The following FGF13 variants were observed in gnomAD, a reference collection of about 807,000 sequenced individuals.
The protein encoded by FGF13 is fibroblast growth factor homologous factor 2.
FGF13 carries 2 observed loss-of-function variants against 19.5 expected under a neutral mutation model. The observed-to-expected ratio is 0.10, with a 90% CI of 0.04 to 0.32. The LOEUF is 0.32. Ranked by LOEUF, FGF13 falls within the 10% of genes least tolerant of loss-of-function variation. The pLI, the probability that FGF13 is intolerant of heterozygous loss-of-function variation, is 1.00. For missense variants in FGF13, 113 were observed against 192.7 expected, an observed-to-expected ratio of 0.59 and a Z score of 2.45; for synonymous variants, 72 against 76.9, an observed-to-expected ratio of 0.94 and a Z score of 0.33.
At chrX:139,055,405 G>A (rs2092317927) in intron 1 of FGF13, among the ~76,000 whole-genome samples, 1 of 112,340 alleles carries the variant, frequency 8.9e-6, no homozygotes, top group South Asian at 3.7e-4. Flanking sequence ...TCAGAATCTT[G>A]AATCTACTTG....
intron 3 of FGF13, among the ~76,000 whole-genome samples, chrX:138,833,789 T>C (rs1404341411): frequency 8.9e-6 from 1 of 112,092 alleles, no homozygotes; most frequent in Non-Finnish European, 1.9e-5. Context: ...ATGTTGTCAG[T>C]GGCTTTGTTA....
At chrX:139,190,626 T>C (rs1447076703) in intron 1 of FGF13, among the ~76,000 whole-genome samples, 1 of 111,930 alleles carries the variant, frequency 8.9e-6, no homozygotes, top group Non-Finnish European at 1.9e-5. Flanking sequence ...CCAGCCATTA[T>C]AGCCTGTAAT....
chrX:138,797,207 T>C (rs891778447), intron 3 of FGF13, among the ~76,000 whole-genome samples: 24 of 112,086 alleles, frequency 2.1e-4, no homozygotes, highest in African/African-American at 7.8e-4. Context: ...TTTATGTCTT[T>C]AATCCATCTT....
chrX:139,084,336 C>T lies in FGF13; in HGVS notation c.-113+119080G>A, dbSNP rs748621755. On this transcript the variant is annotated intron_variant, in intron 1 of 2. Coordinates refer to the FGF13 transcript ENST00000421460. The stretch of plus-strand genomic sequence containing the variant: ...AACATACAGAAGATTGCAAATGTGA[C>T]CACTAAACTTTTGACACTCTGGCAG... 5.4e-5 allele frequency among the ~76,000 whole-genome samples: 6 copies of T among 111,356 alleles called. No homozygotes were observed. In the South Asian group the frequency reaches 2.3e-3, roughly 43 times the overall value.
At chrX:138,887,038 G>A (rs2091454742) in intron 1 of FGF13, among the ~76,000 whole-genome samples, 1 of 111,496 alleles carries the variant, frequency 9.0e-6, no homozygotes, top group African/African-American at 3.3e-5. Flanking sequence ...ATCCAATGTT[G>A]CATGGTGGTT....
intron 1 of FGF13, among the ~76,000 whole-genome samples, chrX:139,135,484 C>G (rs1334397172): frequency 8.9e-6 from 1 of 112,103 alleles, no homozygotes; most frequent in Non-Finnish European, 1.9e-5. Flanking sequence ...AAGAGATGAT[C>G]ATGTAAAAGC....
rs1377342039 is a variant in FGF13 at position 138,629,349 on chromosome X, A to C, written c.*3501T>G. 1 of 112,251 alleles carries C rather than the reference A, an allele frequency of 8.9e-6. No individual in the cohort carries two copies. The highest frequency in any genetic ancestry group is 3.2e-5 in the African/African-American group (1 of 30,860). The allele number at this position is 112,251 out of a possible 1,213,427, so 9.3% of individuals were successfully genotyped here. On this transcript the variant is annotated 3_prime_UTR_variant, in exon 5 of 5. Transcript: ENST00000315930. Reference sequence around the variant, plus strand: ...ATGCACGCTAATCCTGAAGAAAGGAATAGTGTATGCCAGTGTGATATGGTT... The same window carrying C: ...ATGCACGCTAATCCTGAAGAAAGGACTAGTGTATGCCAGTGTGATATGGTT...
At chrX:138,928,975 A>C (rs145584257) in intron 1 of FGF13, among the ~76,000 whole-genome samples, 1,396 of 111,425 alleles carry the variant, frequency 0.013, 25 homozygotes, top group African/African-American at 0.042. Flanking sequence ...CCTGCTTGGG[A>C]TTTGCTCTTT....
At chrX:138,891,217 G>A (rs1387945503) in intron 1 of FGF13, among the ~76,000 whole-genome samples, 1 of 111,793 alleles carries the variant, frequency 8.9e-6, no homozygotes, top group South Asian at 3.8e-4. Context: ...CTCGGGAGGC[G>A]GAGCTTGCAG....
intron 3 of FGF13, among the ~76,000 whole-genome samples, chrX:138,658,800 ATGATAAATATTATTTCTACTAGGC>A (rs1216697257): frequency 1.0e-3 from 114 of 112,107 alleles, no homozygotes; most frequent in African/African-American, 3.2e-3. Flanking sequence ...AAGTTAAGGG[ATGATAAATATTATTTCTACTAGGC>A]TACATAATCA....
intron 1 of FGF13, among the ~76,000 whole-genome samples, chrX:138,877,976 T>C (rs950263784): frequency 5.4e-5 from 6 of 110,896 alleles, no homozygotes; most frequent in African/African-American, 2.0e-4. Flanking sequence ...AGATGATGAG[T>C]CTCTATTTAG....
At chrX:138,751,675 T>C (rs2090399120) in intron 3 of FGF13, among the ~76,000 whole-genome samples, 2 of 111,831 alleles carry the variant, frequency 1.8e-5, no homozygotes, top group African/African-American at 6.5e-5. Context: ...ACAGATGTCC[T>C]GCAGGAACAG....
At chrX:138,764,321 G>A (rs894724292) in intron 3 of FGF13, among the ~76,000 whole-genome samples, 1 of 112,028 alleles carries the variant, frequency 8.9e-6, no homozygotes, top group Non-Finnish European at 1.9e-5. Flanking sequence ...TTTTCTGCCC[G>A]AAATAAAGTT....
At chrX:138,889,101 A>T (rs899666009) in intron 1 of FGF13, among the ~76,000 whole-genome samples, 2 of 111,849 alleles carry the variant, frequency 1.8e-5, no homozygotes, top group African/African-American at 6.5e-5. Context: ...CAGTATCGTG[A>T]GTGCTCTAAT....
At chrX:139,054,638 G>T (rs1255565342) in intron 1 of FGF13, among the ~76,000 whole-genome samples, 1 of 111,724 alleles carries the variant, frequency 9.0e-6, no homozygotes, top group African/African-American at 3.3e-5. Flanking sequence ...AATGGGAATT[G>T]CATTAAATTT....
chrX:138,746,668 A>G (rs751013513), intron 3 of FGF13, among the ~76,000 whole-genome samples: 2 of 112,137 alleles, frequency 1.8e-5, no homozygotes, highest in Non-Finnish European at 3.8e-5. Flanking sequence ...ATGCTAAGCT[A>G]TGCTTCATTG....
chrX:138,915,561 G>C (rs2091613671), intron 1 of FGF13, among the ~76,000 whole-genome samples: 1 of 111,583 alleles, frequency 9.0e-6, no homozygotes, highest in Admixed American at 9.6e-5. Flanking sequence ...ATGAAGGGGT[G>C]TTATTTATTG....
At chrX:139,177,227 T>C (rs1321695621) in intron 1 of FGF13, among the ~76,000 whole-genome samples, 1 of 94,002 alleles carries the variant, frequency 1.1e-5, no homozygotes, top group Non-Finnish European at 2.0e-5. Flanking sequence ...AGACTAGGAT[T>C]GCAACCCCTG....
chrX:138,877,720 A>C (rs1240387169), intron 1 of FGF13, among the ~76,000 whole-genome samples: 1 of 112,545 alleles, frequency 8.9e-6, no homozygotes, highest in African/African-American at 3.2e-5. Context: ...TAATGTCTTC[A>C]AGCTTTATTC....
Sources: allele counts gnomAD v4.1 joint callset (sites outside exome capture counted in the v4.1 genomes callset), GRCh38; gene constraint gnomAD v4.1.1; transcripts MANE v1.5; gene names NCBI Gene and HGNC (gene_info 2026-07-23, HGNC 2026-07-21).